The following SNAP91 variants were observed in gnomAD, a reference collection of about 807,000 sequenced individuals.
SNAP91 encodes synaptosome associated protein 91.
A neutral mutation model predicts 100.3 loss-of-function variants in SNAP91; 27 were observed. The ratio of observed to expected loss-of-function variants is 0.27; its 90% confidence interval spans 0.20 to 0.37. The LOEUF (loss-of-function observed/expected upper bound fraction) is 0.37, where lower values mean the gene tolerates loss of function less well. Ranked by LOEUF, SNAP91 falls within the 10% of genes least tolerant of loss-of-function variation. SNAP91 has a pLI of 1.00. For missense variants in SNAP91, 986 were observed against 1,123.7 expected (o/e 0.88, Z 1.75); for synonymous variants, 404 against 398.6 (o/e 1.01, Z -0.16).
intron 2 of SNAP91, among the ~76,000 whole-genome samples, chr6:83,680,698 C>G (rs2098976937): frequency 6.6e-6 from 1 of 152,024 alleles, no homozygotes; most frequent in Non-Finnish European, 1.5e-5. Context: ...TATTTTGGGC[C>G]AGAAAATTCT....
At position 83,593,397 on chromosome 6, in the gene SNAP91, C is replaced by T. The variant is rs1305824689; in HGVS notation, c.1696+81G>A. The T allele has an allele frequency of 1.6e-5, 24 of 1,524,250 alleles. No homozygotes were observed. The East Asian group carries it at 4.4e-4, about 28-fold the overall frequency. 94.4% of individuals were successfully genotyped at this position (1,524,250 alleles called of 1,614,324 possible). On this transcript the variant is annotated intron_variant, in intron 18 of 29. Coordinates refer to ENST00000369694, the MANE Select transcript of SNAP91 (RefSeq NM_001242792.2). ...GTTTCTAGAGAACCATTTAATTACA[C>T]AGTCTTCATGCAGTACATCTCAAGG...
Position 83,594,441 on chromosome 6 carries a change from G to C in SNAP91, c.1365C>G (p.Ser455=). 1 of 1,551,138 alleles carries C rather than the reference G, an allele frequency of 6.4e-7. No individual in the cohort carries two copies. Among genetic ancestry groups the C allele is most frequent in the Admixed American group, 2.0e-5 (1 of 50,818 alleles). The change falls in exon 17 of 30, where the codon TCC becomes TCG. Residue 455 remains serine, a synonymous_variant. Transcript: ENST00000369694. ...AASPGEAPAA[S]EGAAAPATPT... is the part of the protein sequence containing the mutation. ...GGGTAGCTGGTGCGGCGGCCCCTTC[G>C]GATGCTGCAGGGGCCTCCCCAGGAG...
chr6:83,668,601 G>A (rs2098729593), intron 2 of SNAP91, among the ~76,000 whole-genome samples: 1 of 151,966 alleles, frequency 6.6e-6, no homozygotes, highest in Non-Finnish European at 1.5e-5. Flanking sequence ...AACACCACAT[G>A]TTCTCACTCA....
At chr6:83,617,418 A>C (rs1387110453) in intron 9 of SNAP91, among the ~76,000 whole-genome samples, 1 of 152,022 alleles carries the variant, frequency 6.6e-6, no homozygotes, top group Non-Finnish European at 1.5e-5. Flanking sequence ...ATGAGTGCCC[A>C]AATACAAATT....
chr6:83,686,259 G>C, intron 2 of SNAP91: 1 of 885,348 alleles, frequency 1.1e-6, no homozygotes, highest in Non-Finnish European at 1.4e-6. Context: ...ACCCTCACAG[G>C]TAATAGTTGG....
rs997938179 is a variant in SNAP91, at chr6:83,706,292, T to C, written c.130+1506A>G. 2.7e-4 allele frequency among the ~76,000 whole-genome samples: 41 copies of C among 152,378 alleles called. 1 individual carries two copies. Among genetic ancestry groups the C allele is most frequent in the African/African-American group, 9.6e-4 (40 of 41,596 alleles). ...ATATATACCTTTAAGACATGAATCA[T>C]TCTTCCAGAGTTGGGGAAACTGATG... is the stretch of plus-strand genomic sequence containing the variant. On this transcript the variant is annotated intron_variant, in intron 2 of 29. Coordinates refer to ENST00000369694, the MANE Select transcript of SNAP91 (RefSeq NM_001242792.2).
intron 2 of SNAP91, among the ~76,000 whole-genome samples, chr6:83,705,630 C>T (rs1393053236): frequency 6.6e-6 from 1 of 151,988 alleles, no homozygotes; most frequent in Non-Finnish European, 1.5e-5. Context: ...CATGAAGAAA[C>T]CCCATCTCTA....
chr6:83,598,611 T>C (rs2128230190), intron 16 of SNAP91, among the ~76,000 whole-genome samples: 1 of 152,264 alleles, frequency 6.6e-6, no homozygotes, highest in Non-Finnish European at 1.5e-5. Flanking sequence ...AAAAGGCATG[T>C]TTTAAAGTTG....
At chr6:83,669,589 A>G (rs963377323) in intron 2 of SNAP91, among the ~76,000 whole-genome samples, 15 of 104,670 alleles carry the variant, frequency 1.4e-4, no homozygotes, top group Non-Finnish European at 3.6e-4. Flanking sequence ...CAAAAATAAG[A>G]TAATGAACAT....
At chr6:83,558,967 T>A (rs1221092902) in intron 28 of SNAP91, among the ~76,000 whole-genome samples, 2 of 152,194 alleles carry the variant, frequency 1.3e-5, no homozygotes, top group Non-Finnish European at 2.9e-5. Flanking sequence ...AAGTGTAACA[T>A]ATTTTGGCAT....
intron 5 of SNAP91, among the ~76,000 whole-genome samples, chr6:83,659,339 T>G (rs1359155108): frequency 6.6e-6 from 1 of 152,020 alleles, no homozygotes; most frequent in East Asian, 1.9e-4. Context: ...AGCAATCGGG[T>G]CTGGATAAAA....
At chr6:83,618,699 A>G (rs2128374105) in intron 9 of SNAP91, among the ~76,000 whole-genome samples, 1 of 152,136 alleles carries the variant, frequency 6.6e-6, no homozygotes, top group African/African-American at 2.4e-5. Context: ...GATGATGATA[A>G]TGATGATGAC....
At chr6:83,692,310 T>C (rs982058620) in intron 2 of SNAP91, among the ~76,000 whole-genome samples, 2 of 151,738 alleles carry the variant, frequency 1.3e-5, no homozygotes, top group Non-Finnish European at 2.9e-5. Flanking sequence ...AGGTCAAGAG[T>C]TCAAGACCAG....
At chr6:83,580,405 C>T (rs763112062) in intron 24 of SNAP91, 45 bp downstream of exon 24, 1 of 1,530,080 alleles carries the variant, frequency 6.5e-7, no homozygotes, top group South Asian at 1.2e-5. Context: ...AAACAATTCA[C>T]ATATGCTTCA....
intron 6 of SNAP91, among the ~76,000 whole-genome samples, chr6:83,658,394 G>T (rs112857560): frequency 0.064 from 9,678 of 152,136 alleles, 992 homozygotes; most frequent in African/African-American, 0.22. Flanking sequence ...CAGATCATGA[G>T]GTAAGGAGAT....
Position 83,593,202 on chromosome 6 carries a change from C to A in SNAP91, c.1754G>T (p.Ser585Ile), listed in dbSNP as rs1002594858. The change falls in exon 19 of 30, where the codon AGC (serine) becomes ATC (isoleucine). Residue 585 changes from serine (S) to isoleucine (I), a missense_variant. Coordinates refer to ENST00000369694, the MANE Select transcript of SNAP91 (RefSeq NM_001242792.2). Reference protein sequence around the residue: ...AAAPKPDAAPSIDLFSTDAFS... With the variant: ...AAAPKPDAAPIIDLFSTDAFS... The stretch of plus-strand genomic sequence containing the variant: ...TTTACCTGTACTAAACAGGTCTATG[C>A]TAGGAGCAGCATCTGGCTTAGGCGC... 2 of 1,594,134 alleles carry A rather than the reference C, an allele frequency of 1.3e-6. No individual in the cohort carries two copies. The highest frequency in any genetic ancestry group is 2.7e-5 in the African/African-American group (2 of 74,560).
At chr6:83,613,701 T>C (rs891799739) in intron 11 of SNAP91, among the ~76,000 whole-genome samples, 1 of 152,198 alleles carries the variant, frequency 6.6e-6, no homozygotes, top group Non-Finnish European at 1.5e-5. Flanking sequence ...AAAACACAGA[T>C]AAACTTGGCA....
chr6:83,699,609 G>A (rs2099266270), intron 2 of SNAP91, among the ~76,000 whole-genome samples: 1 of 152,084 alleles, frequency 6.6e-6, no homozygotes, highest in Admixed American at 6.6e-5. Flanking sequence ...ATGAGAATAA[G>A]CAATAATCAA....
intron 8 of SNAP91, among the ~76,000 whole-genome samples, chr6:83,638,053 AG>A (rs1398483565): frequency 6.6e-6 from 1 of 152,074 alleles, no homozygotes; most frequent in Non-Finnish European, 1.5e-5. Context: ...CCAGCAGGTG[AG>A]GGGGCATTCA....
Sources: allele counts gnomAD v4.1 joint callset (sites outside exome capture counted in the v4.1 genomes callset), GRCh38; gene constraint gnomAD v4.1.1; transcripts MANE v1.5; gene names NCBI Gene and HGNC (gene_info 2026-07-23, HGNC 2026-07-21).